Variants in ABCE1 observed in about 807,000 individuals in gnomAD.
ABCE1 encodes ATP binding cassette subfamily E member 1.
ABCE1 carries 22 observed loss-of-function variants against 83.4 expected under a neutral mutation model. The ratio of observed to expected loss-of-function variants is 0.26; its 90% CI spans 0.19 to 0.38. The LOEUF is 0.38. Among genes scored for constraint, ABCE1 ranks in the 10% least tolerant of loss-of-function variants. ABCE1 has a pLI of 1.00. For synonymous variants in ABCE1, 204 were observed against 233.7 expected, an observed-to-expected ratio of 0.87 and a Z score of 1.16; for missense variants, 330 against 721.9, an observed-to-expected ratio of 0.46 and a Z score of 6.22.
intron 1 of ABCE1, among the ~76,000 whole-genome samples, chr4:145,103,841 A>G (rs1015169955): frequency 1.3e-5 from 2 of 149,032 alleles, no homozygotes; most frequent in African/African-American, 2.5e-5. Context: ...AGCTCACTGT[A>G]ACCTCCACCT....
intron 9 of ABCE1, among the ~76,000 whole-genome samples, chr4:145,114,181 G>A (rs1047915521): frequency 2.6e-5 from 4 of 152,104 alleles, no homozygotes; most frequent in Non-Finnish European, 5.9e-5. Flanking sequence ...CAGGCATTAA[G>A]AGCCTGGGCA....
rs201224966 is a variant in ABCE1 at position 145,109,162 on chromosome 4, G to A, written c.318G>A (p.Leu106=). Residue 106 remains leucine, a synonymous_variant, in exon 5 of 18, where the codon TTG becomes TTA. Coordinates refer to ENST00000296577, the MANE Select transcript of ABCE1 (RefSeq NM_002940.3). ...CTATCCCTCGTCCAGGTGAAGTTTTGGGATTAGTTGGAACTAATGGTATTG... is the reference window on the plus strand; with the variant it reads ...CTATCCCTCGTCCAGGTGAAGTTTTAGGATTAGTTGGAACTAATGGTATTG... ...RLPIPRPGEV[L]GLVGTNGIGK... 2.5e-5 allele frequency: 40 copies of A among 1,612,080 alleles called. No individual in the cohort carries two copies. In the East Asian group the frequency reaches 8.9e-4, roughly 36 times the overall value.
Position 145,111,045 on chromosome 4 carries a change from T to G in ABCE1, c.691T>G (p.Cys231Gly). The change falls in exon 8 of 18, where the codon TGC (cysteine) becomes GGC (glycine). Residue 231 changes from cysteine (C) to glycine (G), a missense_variant. Physicochemically the swap from Cys to Gly is radical, Grantham distance 159. Coordinates refer to ENST00000296577, the MANE Select transcript of ABCE1 (RefSeq NM_002940.3). ...ELQRFACAVV[C>G]IQKADIFMFD... The stretch of plus-strand genomic sequence containing the variant: ...GCAGAGATTTGCTTGTGCTGTCGTT[T>G]GCATACAGAAAGCTGATATGTAGGT... 1 of 1,611,364 alleles carries G rather than the reference T, an allele frequency of 6.2e-7. No individual in the cohort carries two copies. Among genetic ancestry groups the G allele is most frequent in the Non-Finnish European group, 8.5e-7 (1 of 1,178,796 alleles).
chr4:145,107,826 A>G (rs1323729165), intron 3 of ABCE1, among the ~76,000 whole-genome samples, 189 bp from the exon 4 acceptor site: 9 of 152,212 alleles, frequency 5.9e-5, no homozygotes, highest in African/African-American at 1.9e-4. Context: ...CTGAGAGACA[A>G]TTGATATAAT....
In ABCE1 at chr4:145,124,975, T is replaced by A. The variant is rs1749840802; in HGVS notation, c.1641-15T>A. On this transcript the variant is annotated splice_polypyrimidine_tract_variant and intron_variant, in intron 16 of 17. Transcript: ENST00000296577. ...AGTAAAATTTAATCAAAATTGATTT[T>A]TTTTTTTCTCTTAGTCCTCAAACCC... 1 of 1,555,400 alleles carries A rather than the reference T, an allele frequency of 6.4e-7. No homozygotes were observed. Among genetic ancestry groups the A allele is most frequent in the African/African-American group, 1.4e-5 (1 of 72,704 alleles).
intron 13 of ABCE1, 146 bp from the exon 14 acceptor site, chr4:145,122,873 CAT>C (rs1560965329): frequency 3.6e-6 from 2 of 553,252 alleles, no homozygotes; most frequent in East Asian, 3.1e-5. Flanking sequence ...AATCTCAAAA[CAT>C]GTCATAGATG....
intron 9 of ABCE1, 118 bp from the exon 10 acceptor site, chr4:145,117,175 C>A: frequency 2.5e-6 from 2 of 814,656 alleles, no homozygotes; most frequent in Non-Finnish European, 3.5e-6. Context: ...TGTTTTATGG[C>A]TTTTGCTTCT....
In ABCE1 at chr4:145,111,425, G is replaced by A. The variant is rs749089316; in HGVS notation, c.710+361G>A. On this transcript the variant is annotated intron_variant, in intron 8 of 17. Coordinates refer to ENST00000296577, the MANE Select transcript of ABCE1 (RefSeq NM_002940.3). ...TACAAGCTCCACCTCCCGGGTTCAC[G>A]CCATTCTCCTGCCTCAGCCTCCTGA... 4.6e-5 allele frequency among the ~76,000 whole-genome samples: 7 copies of A among 152,216 alleles called. No homozygotes were observed. The South Asian group carries it at 8.3e-4, about 18-fold the overall frequency.
At chr4:145,110,328 T>C (rs1560959316) in intron 6 of ABCE1, 47 bp from the exon 7 acceptor site, 5 of 1,602,508 alleles carry the variant, frequency 3.1e-6, no homozygotes, top group Middle Eastern at 1.7e-4. Context: ...TGTGATTCTT[T>C]TTAATATTGA....
Position 145,127,600 on chromosome 4 carries a change from A to G in ABCE1, c.*27A>G. The stretch of plus-strand genomic sequence containing the variant: ...CTGACTCTGAGAATATTGATAAGCC[A>G]TTTATTAAAAGGAGTATTTACTAGA... On this transcript the variant is annotated 3_prime_UTR_variant, in exon 18 of 18. Transcript: ENST00000296577. 1.3e-6 allele frequency: 2 copies of G among 1,517,456 alleles called. No individual in the cohort carries two copies. The highest frequency in any genetic ancestry group is 1.8e-6 in the Non-Finnish European group (2 of 1,137,466). 94.0% of individuals were successfully genotyped at this position (1,517,456 alleles called of 1,614,324 possible).
At chr4:145,111,388 A>C (rs771717367) in intron 8 of ABCE1, among the ~76,000 whole-genome samples, 1 of 152,154 alleles carries the variant, frequency 6.6e-6, no homozygotes, top group Non-Finnish European at 1.5e-5. Context: ...CAGTGGCGCA[A>C]TCTTGGCTCA....
In ABCE1 at chr4:145,118,634, T is replaced by C. The variant is rs114885453; in HGVS notation, c.922+1220T>C. On this transcript the variant is annotated intron_variant, in intron 10 of 17. Transcript: ENST00000296577. ...TAATATGGGTACTCGGCAGTCATTC[T>C]TCACAACTCCAGTTATAAATGTCAT... 6.5e-3 allele frequency among the ~76,000 whole-genome samples: 993 copies of C among 151,986 alleles called. 10 individuals are homozygous for C. Among genetic ancestry groups the C allele is most frequent in the African/African-American group, 0.023 (943 of 41,560 alleles).
intron 8 of ABCE1, among the ~76,000 whole-genome samples, chr4:145,111,918 G>C (rs1299077228): frequency 6.6e-6 from 1 of 152,152 alleles, no homozygotes; most frequent in African/African-American, 2.4e-5. Flanking sequence ...AAATGCAGCT[G>C]ACTTAAGAGA....
chr4:145,127,611 G>C lies in ABCE1; in HGVS notation c.*38G>C, dbSNP rs369067430. The stretch of plus-strand genomic sequence containing the variant: ...AATATTGATAAGCCATTTATTAAAA[G>C]GAGTATTTACTAGAATTTTTTGTCA... On this transcript the variant is annotated 3_prime_UTR_variant, in exon 18 of 18. Coordinates refer to ENST00000296577, the MANE Select transcript of ABCE1 (RefSeq NM_002940.3). The C allele has an allele frequency of 6.7e-7, 1 of 1,486,562 alleles. No individual in the cohort carries two copies. Among genetic ancestry groups the C allele is most frequent in the African/African-American group, 1.5e-5 (1 of 68,336 alleles). The allele number at this position is 1,486,562 out of a possible 1,614,324, so 92.1% of individuals were successfully genotyped here. A position where few individuals can be genotyped will look rare whatever the true frequency, so the allele number is the denominator to read the frequency against.
intron 2 of ABCE1, 37 bp from the exon 3 acceptor site, chr4:145,105,568 A>G: frequency 6.9e-7 from 1 of 1,448,556 alleles, no homozygotes; most frequent in Admixed American, 1.8e-5. Flanking sequence ...TTAGAAGATC[A>G]AAGGAAATGG....
intron 17 of ABCE1, among the ~76,000 whole-genome samples, chr4:145,126,817 A>G (rs548956042): frequency 6.6e-6 from 1 of 152,250 alleles, no homozygotes; most frequent in South Asian, 2.1e-4. Context: ...AGCACCTAAC[A>G]GTATGTCTGG....
rs1403815914 is a variant in ABCE1, at chr4:145,121,355, C to T, written c.1227C>T (p.Val409=). ...DEGGEVPVLN[V]SYKPQKISPK... is the part of the protein sequence containing the mutation. ...CAGGAGAAGTACCAGTTCTAAATGT[C>T]AGTTATAAGCCACAGAAAATTAGTC... The change falls in exon 13 of 18, where the codon GTC becomes GTT. Residue 409 remains valine (V), a synonymous_variant. Coordinates refer to ENST00000296577, the MANE Select transcript of ABCE1 (RefSeq NM_002940.3). 1.2e-6 allele frequency: 2 copies of T among 1,612,990 alleles called. No homozygotes were observed. The highest frequency in any genetic ancestry group is 1.7e-6 in the Non-Finnish European group (2 of 1,179,584).
chr4:145,121,275 A>C (rs773477426), intron 12 of ABCE1, 42 bp downstream of exon 12: 1 of 1,612,268 alleles, frequency 6.2e-7, no homozygotes, highest in Non-Finnish European at 8.5e-7. Context: ...TGTTTTACAC[A>C]GTAAACTTTA....
At chr4:145,101,664 T>G (rs34667182) in intron 1 of ABCE1, among the ~76,000 whole-genome samples, 1 of 152,150 alleles carries the variant, frequency 6.6e-6, no homozygotes, top group South Asian at 2.1e-4. Flanking sequence ...TGAGATCAGA[T>G]TCTGGATGTT....
Sources: gnomAD v4.1 joint callset for allele counts (sites outside exome capture counted in the v4.1 genomes callset) on GRCh38, gnomAD v4.1.1 for gene constraint, MANE v1.5 for transcripts, NCBI Gene and HGNC (gene_info 2026-07-23, HGNC 2026-07-21) for gene names.